IKZF2: variants seen among roughly 807,000 people sequenced by gnomAD.
IKZF2 encodes the protein zinc finger protein Helios.
IKZF2 carries 15 observed loss-of-function variants against 49.2 expected under a neutral mutation model. That is an observed-to-expected ratio of 0.30 (90% CI 0.20 to 0.47). The LOEUF is 0.47. Ranked by LOEUF, IKZF2 falls within the 20% of genes least tolerant of loss-of-function variation. IKZF2 has a pLI of 1.00. For synonymous variants in IKZF2, 227 were observed against 221.4 expected (o/e 1.03, Z -0.23); for missense variants, 567 against 664.6 (o/e 0.85, Z 1.61).
chr2:213,090,906 T>G (rs1166510855), intron 4 of IKZF2, among the ~76,000 whole-genome samples: 1 of 152,168 alleles, frequency 6.6e-6, no homozygotes, highest in Non-Finnish European at 1.5e-5. Flanking sequence ...TGTGAGGCAA[T>G]AAACTTCTGT....
rs934693112 is a variant in IKZF2, at chr2:213,006,562, C to T, written c.*798G>A. ...GACTGCCTTTTATCCACTCTTAGAC[C>T]ATATGTTATTCTGAAAACTACATAA... On this transcript the variant is annotated 3_prime_UTR_variant, in exon 9 of 9. Transcript: ENST00000434687. 2 of 152,402 alleles carry T rather than the reference C, an allele frequency of 1.3e-5. No homozygotes were observed. The highest frequency in any genetic ancestry group is 1.3e-4 in the Admixed American group (2 of 15,248). The allele number at this position is 152,402 out of a possible 1,614,324, so 9.4% of individuals were successfully genotyped here. A position where few individuals can be genotyped will look rare whatever the true frequency, so the allele number is the denominator to read the frequency against.
intron 4 of IKZF2, among the ~76,000 whole-genome samples, chr2:213,129,105 G>T (rs957668279): frequency 1.3e-5 from 2 of 151,892 alleles, no homozygotes; most frequent in Non-Finnish European, 2.9e-5. Context: ...TCTATTTATG[G>T]AAGGGAAAGA....
At chr2:213,028,345 T>C (rs1332850849) in intron 6 of IKZF2, among the ~76,000 whole-genome samples, 2 of 152,182 alleles carry the variant, frequency 1.3e-5, no homozygotes, top group African/African-American at 4.8e-5. Context: ...TTATTTTGGC[T>C]ATTTTAGGTC....
intron 6 of IKZF2, among the ~76,000 whole-genome samples, chr2:213,029,573 G>C (rs988364041): frequency 1.3e-5 from 2 of 151,704 alleles, no homozygotes; most frequent in African/African-American, 4.8e-5. Context: ...CTATTTTATT[G>C]ATCTTCTCAT....
At chr2:213,086,876 G>A (rs909936313) in intron 4 of IKZF2, among the ~76,000 whole-genome samples, 8 of 152,054 alleles carry the variant, frequency 5.3e-5, no homozygotes, top group Non-Finnish European at 8.8e-5. Context: ...GGAATCTAAC[G>A]TTATACTGGC....
At chr2:213,071,822 C>T (rs560562131) in intron 4 of IKZF2, among the ~76,000 whole-genome samples, 3 of 151,948 alleles carry the variant, frequency 2.0e-5, no homozygotes, top group Non-Finnish European at 2.9e-5. Context: ...CCTGTTTCCA[C>T]GACAAATATA....
intron 4 of IKZF2, among the ~76,000 whole-genome samples, chr2:213,107,772 G>C (rs111742162): frequency 1.7e-4 from 26 of 152,230 alleles, no homozygotes; most frequent in African/African-American, 6.3e-4. Flanking sequence ...AAAGATCTTA[G>C]GCCCTTCTTG....
upstream of IKZF2, among the ~76,000 whole-genome samples, chr2:213,151,948 C>G (rs904246354): frequency 1.1e-4 from 17 of 151,642 alleles, no homozygotes; most frequent in African/African-American, 3.6e-4. Flanking sequence ...ACAAGTGCTG[C>G]CCCGGAGGCT....
At chr2:213,058,390 G>A (rs192139731) in intron 4 of IKZF2, among the ~76,000 whole-genome samples, 1 of 152,010 alleles carries the variant, frequency 6.6e-6, no homozygotes, top group South Asian at 2.1e-4. Flanking sequence ...TTTATAAAAC[G>A]GGGATGATAA....
chr2:213,085,029 C>G (rs1305557881), intron 4 of IKZF2, among the ~76,000 whole-genome samples: 1 of 152,168 alleles, frequency 6.6e-6, no homozygotes, highest in Non-Finnish European at 1.5e-5. Flanking sequence ...CGCTATGACC[C>G]AAGAACAATC....
At chr2:213,040,583 T>G (rs186579569) in intron 6 of IKZF2, among the ~76,000 whole-genome samples, 158 of 152,288 alleles carry the variant, frequency 1.0e-3, no homozygotes, top group Admixed American at 3.7e-3. Context: ...CTAGAATTTT[T>G]AAAATAACAA....
At chr2:213,099,414 A>G (rs66745385) in intron 4 of IKZF2, among the ~76,000 whole-genome samples, 46,349 of 152,002 alleles carry the variant, frequency 0.3, 7,760 homozygotes, top group Non-Finnish European at 0.38. Context: ...TATCAAGTGT[A>G]ACTTGAACAT....
chr2:213,105,421 A>T (rs964874801), intron 4 of IKZF2, among the ~76,000 whole-genome samples: 1 of 152,006 alleles, frequency 6.6e-6, no homozygotes, highest in African/African-American at 2.4e-5. Context: ...CAAAGGAAAA[A>T]CACACATGCA....
At chr2:213,111,948 A>AT (rs997467793) in intron 4 of IKZF2, among the ~76,000 whole-genome samples, 4 of 152,098 alleles carry the variant, frequency 2.6e-5, no homozygotes, top group Non-Finnish European at 5.9e-5. Flanking sequence ...ATTGTAATTT[A>AT]TTTTTTTAGA....
At chr2:213,094,119 AG>A (rs1705678618) in intron 4 of IKZF2, among the ~76,000 whole-genome samples, 1 of 152,170 alleles carries the variant, frequency 6.6e-6, no homozygotes, top group African/African-American at 2.4e-5. Flanking sequence ...CATCTGAGAA[AG>A]GTATGGATTA....
At position 213,124,759 on chromosome 2, in the gene IKZF2, A is replaced by G. The variant is rs529760894; in HGVS notation, c.139+22949T>C. Among the ~76,000 whole-genome samples, 3 of 152,318 alleles carry G rather than the reference A, an allele frequency of 2.0e-5. No individual in the cohort carries two copies. The South Asian group carries it at 6.2e-4, about 32-fold the overall frequency. Reference sequence around the variant, plus strand: ...CTTTTCTCAAGGGTAGGCTTTGCCTATGTGTTTCCAAGGAATTCAACTTGC... The same window carrying G: ...CTTTTCTCAAGGGTAGGCTTTGCCTGTGTGTTTCCAAGGAATTCAACTTGC... On this transcript the variant is annotated intron_variant, in intron 4 of 8. Coordinates refer to ENST00000434687, the MANE Select transcript of IKZF2 (RefSeq NM_001387220.1).
At chr2:213,119,277 C>T (rs1265719685) in intron 4 of IKZF2, among the ~76,000 whole-genome samples, 1 of 152,100 alleles carries the variant, frequency 6.6e-6, no homozygotes, top group African/African-American at 2.4e-5. Flanking sequence ...TTCTCTAAAG[C>T]CAGCCCTATC....
intron 4 of IKZF2, among the ~76,000 whole-genome samples, chr2:213,136,618 T>C (rs2125924676): frequency 6.6e-6 from 1 of 152,202 alleles, no homozygotes; most frequent in Non-Finnish European, 1.5e-5. Context: ...TACTATCAGT[T>C]TTCTGGCTCC....
upstream of IKZF2, among the ~76,000 whole-genome samples, chr2:213,151,782 G>A (rs1245925960): frequency 1.4e-5 from 2 of 146,902 alleles, no homozygotes; most frequent in Admixed American, 1.4e-4. Context: ...GGGCGCGGGC[G>A]AGCGGACGTG....
Sources: gnomAD v4.1 joint callset for allele counts (sites outside exome capture counted in the v4.1 genomes callset) on GRCh38, gnomAD v4.1.1 for gene constraint, MANE v1.5 for transcripts, NCBI Gene and HGNC (gene_info 2026-07-23, HGNC 2026-07-21) for gene names.